Variants in TTC6 observed in about 807,000 individuals in gnomAD.
The protein encoded by TTC6 is tetratricopeptide repeat protein 6.
TTC6 carries 172 observed loss-of-function variants against 210.4 expected under a neutral mutation model. The ratio of observed to expected loss-of-function variants is 0.82; its 90% CI spans 0.72 to 0.93. The LOEUF (loss-of-function observed/expected upper bound fraction) is 0.93, where lower values mean the gene tolerates loss of function less well. Ranked by LOEUF, TTC6 falls within the 40% of genes least tolerant of loss-of-function variation. The pLI is 0.00. For missense variants in TTC6, 2,414 were observed against 2,318.1 expected, an observed-to-expected ratio of 1.04 and a Z score of -0.85; for synonymous variants, 804 against 819.6, an observed-to-expected ratio of 0.98 and a Z score of 0.32.
intron 7 of TTC6, 68 bp downstream of exon 9, chr14:37,725,070 G>T: frequency 3.3e-6 from 3 of 897,376 alleles, no homozygotes; most frequent in Non-Finnish European, 4.7e-6. Flanking sequence ...TTGTATAATT[G>T]GCTATGACAT....
intron 1 of TTC6, among the ~76,000 whole-genome samples, chr14:37,636,685 C>G (rs997810213): frequency 6.6e-6 from 1 of 152,144 alleles, no homozygotes; most frequent in Non-Finnish European, 1.5e-5. Flanking sequence ...AATTATCTAA[C>G]TTTCCACCTA....
At chr14:37,646,329 AAAACCAAACC>A (rs144326134) in intron 1 of TTC6, among the ~76,000 whole-genome samples, 60 of 151,976 alleles carry the variant, frequency 3.9e-4, no homozygotes, top group Non-Finnish European at 7.1e-4. Flanking sequence ...AAAGTATCAG[AAAACCAAACC>A]AAACCAAACC....
chr14:37,813,754 T>C (rs1278168782), intron 25 of TTC6, among the ~76,000 whole-genome samples: 2 of 152,160 alleles, frequency 1.3e-5, no homozygotes, highest in Non-Finnish European at 2.9e-5. Context: ...AGTTCCAGTC[T>C]TTGAGGAGCT....
At chr14:37,768,027 A>G (rs1246515070) in intron 14 of TTC6, among the ~76,000 whole-genome samples, 2 of 150,644 alleles carry the variant, frequency 1.3e-5, no homozygotes, top group East Asian at 3.9e-4. Context: ...ATGGCCAGCC[A>G]GTTTTCCCAG....
At chr14:37,707,897 G>A (rs1198473296) in intron 5 of TTC6, among the ~76,000 whole-genome samples, 1 of 152,056 alleles carries the variant, frequency 6.6e-6, no homozygotes, top group Admixed American at 6.6e-5. Flanking sequence ...AGGAGAACCA[G>A]AGATGCAGGT....
chr14:37,726,542 C>T (rs2095873375), intron 7 of TTC6, among the ~76,000 whole-genome samples: 1 of 151,956 alleles, frequency 6.6e-6, no homozygotes, highest in African/African-American at 2.4e-5. Context: ...AATATATACT[C>T]ATGGGTGAAA....
At chr14:37,718,245 T>C (rs919038703) in intron 6 of TTC6, among the ~76,000 whole-genome samples, 5 of 152,186 alleles carry the variant, frequency 3.3e-5, no homozygotes, top group African/African-American at 1.2e-4. Context: ...ATTCCAGAGA[T>C]TTGAGGCTTT....
chr14:37,688,482 C>T (rs531815607), intron 3 of TTC6, among the ~76,000 whole-genome samples: 4 of 151,968 alleles, frequency 2.6e-5, no homozygotes, highest in Non-Finnish European at 4.4e-5. Flanking sequence ...AGGCCTTGAG[C>T]GAGACCCAGA....
rs558699719 is a variant in TTC6 at position 37,687,213 on chromosome 14, C to G, written c.1257+4249C>G. Among the ~76,000 whole-genome samples the G allele has an allele frequency of 7.2e-5, 11 of 152,222 alleles. No individual in the cohort carries two copies. The South Asian group carries it at 2.3e-3, about 32-fold the overall frequency. ...CAAGTGTGAAGTATTGAACTCAGTG[C>G]TGTCTTGTTATAGCAGAAACCAAAA... On this transcript the variant is annotated intron_variant, in intron 3 of 30. Coordinates refer to ENST00000553443, the Ensembl canonical transcript of TTC6.
rs140393041 is a variant in TTC6 at position 37,766,431 on chromosome 14, A to G, written c.3266+13196A>G. Among the ~76,000 whole-genome samples, 310 of 152,282 alleles carry G rather than the reference A, an allele frequency of 2.0e-3. 1 individual carries two copies. Among genetic ancestry groups the G allele is most frequent in the African/African-American group, 7.1e-3 (295 of 41,576 alleles). On this transcript the variant is annotated intron_variant, in intron 14 of 30. Transcript: ENST00000553443. Reference sequence around the variant, plus strand: ...TTGTGTCCATGTGTTCTCAATATCTAGCTCCTACTTATAAGTGAGAACATG... The same window carrying G: ...TTGTGTCCATGTGTTCTCAATATCTGGCTCCTACTTATAAGTGAGAACATG...
chr14:37,601,348 G>A (rs188630096), intron 1 of TTC6, among the ~76,000 whole-genome samples: 12 of 152,238 alleles, frequency 7.9e-5, no homozygotes, highest in African/African-American at 2.2e-4. Flanking sequence ...GCACTGCTGT[G>A]TCTCCTGCTG....
rs148100917 is a variant in TTC6, at chr14:37,796,853, C to A, written c.3935C>A (p.Ala1312Asp). 1.5e-4 allele frequency: 249 copies of A among 1,610,764 alleles called. 1 individual carries two copies. In the East Asian group the frequency reaches 4.1e-3, roughly 26 times the overall value. Residue 1312 changes from alanine (A) to aspartate (D), a missense_variant, in exon 20 of 31, where the codon GCC becomes GAC. Transcript: ENST00000553443. ...TCATTTTGTGAAAACCATGACAAGG[C>A]CATTGAGGTCTTGGACGGAATCAGC...
chr14:37,771,779 C>T (rs973234954), intron 14 of TTC6, among the ~76,000 whole-genome samples: 4 of 152,112 alleles, frequency 2.6e-5, no homozygotes, highest in Admixed American at 1.3e-4. Context: ...GTAATTTGAT[C>T]GTCTGAAGCC....
intron 29 of TTC6, among the ~76,000 whole-genome samples, chr14:37,834,685 C>G (rs928585667): frequency 3.3e-5 from 5 of 151,988 alleles, no homozygotes; most frequent in African/African-American, 9.7e-5. Context: ...AATTTCTTTT[C>G]TTTGGGGTCT....
At chr14:37,725,430 A>C (rs1373112552) in intron 7 of TTC6, among the ~76,000 whole-genome samples, 2 of 147,386 alleles carry the variant, frequency 1.4e-5, no homozygotes, top group African/African-American at 2.5e-5. Context: ...GGCTCACCGC[A>C]ACCTCCGCCC....
chr14:37,730,151 A>C (rs1388074291), intron 7 of TTC6, among the ~76,000 whole-genome samples: 1 of 152,198 alleles, frequency 6.6e-6, no homozygotes, highest in Non-Finnish European at 1.5e-5. Context: ...GGTGAATGGG[A>C]AATGATATTT....
At chr14:37,739,568 TAAAA>T (rs869033607) in intron 10 of TTC6, among the ~76,000 whole-genome samples, 5,691 of 122,238 alleles carry the variant, frequency 0.047, 163 homozygotes, top group Non-Finnish European at 0.072. Flanking sequence ...GACTCCATCT[TAAAA>T]AAAAAAAAAA....
chr14:37,598,691 G>T lies in TTC6; in HGVS notation c.-235+2683G>T, dbSNP rs542321426. ...CCTCGGGCCCCGGGCCCAGACGGCG[G>T]CCTCTCGCGGCGACAGGGTCCTTCC... On this transcript the variant is annotated intron_variant, in intron 1 of 2. Coordinates refer to the TTC6 transcript ENST00000556845. The surrounding 1 kb of genome is among the most constrained non-coding windows in gnomAD (Gnocchi z 4.9). Among the ~76,000 whole-genome samples the T allele has an allele frequency of 7.2e-5, 11 of 152,284 alleles. No homozygotes were observed. In the South Asian group the frequency reaches 2.3e-3, roughly 32 times the overall value.
At chr14:37,695,684 A>G (rs2095813506) in intron 3 of TTC6, among the ~76,000 whole-genome samples, 1 of 152,152 alleles carries the variant, frequency 6.6e-6, no homozygotes, top group Admixed American at 6.6e-5. Context: ...ATATTTAAAA[A>G]TAACTGAAAG....
Sources: allele counts gnomAD v4.1 joint callset (sites outside exome capture counted in the v4.1 genomes callset), GRCh38; gene constraint gnomAD v4.1.1; non-coding constraint Gnocchi (gnomAD v3.1); transcripts MANE v1.5; gene names NCBI Gene and HGNC (gene_info 2026-07-23, HGNC 2026-07-21).